ROBO1: variants seen among roughly 807,000 people sequenced by gnomAD.
The protein encoded by ROBO1 is roundabout homolog 1.
Under a neutral mutation model 195.9 loss-of-function variants are expected in ROBO1, and 149 were observed. The observed-to-expected ratio is 0.76, with a 90% CI of 0.67 to 0.87. The LOEUF (loss-of-function observed/expected upper bound fraction) is 0.87. Among genes scored for constraint, ROBO1 ranks in the 40% least tolerant of loss-of-function variants. ROBO1 has a pLI of 0.00. For synonymous variants in ROBO1, 816 were observed against 733.2 expected (o/e 1.11, Z -1.82); for missense variants, 1,933 against 2,068.3 (o/e 0.93, Z 1.27).
rs1026851938 is a variant in ROBO1 at position 78,632,811 on chromosome 3, A to G, written c.3481+1124T>C. 2.6e-5 allele frequency among the ~76,000 whole-genome samples: 4 copies of G among 152,214 alleles called. No individual in the cohort carries two copies. In the East Asian group the frequency reaches 7.7e-4, roughly 29 times the overall value. Reference sequence around the variant, plus strand: ...ACTAAAAATTCAAAGATCAAATGGCATAAGATAATCAAATATTAAAATATT... The same window carrying G: ...ACTAAAAATTCAAAGATCAAATGGCGTAAGATAATCAAATATTAAAATATT... On this transcript the variant is annotated intron_variant, in intron 24 of 30. Coordinates refer to ENST00000464233, the MANE Select transcript of ROBO1 (RefSeq NM_002941.4).
intron 1 of ROBO1, among the ~76,000 whole-genome samples, chr3:79,596,228 C>G (rs56993934): frequency 6.6e-6 from 1 of 151,966 alleles, no homozygotes; most frequent in Non-Finnish European, 1.5e-5. Context: ...TATTTTTGAA[C>G]AGCTAATCTA....
intron 8 of ROBO1, among the ~76,000 whole-genome samples, chr3:78,705,902 A>T (rs2081539057): frequency 6.6e-6 from 1 of 151,678 alleles, no homozygotes; most frequent in South Asian, 2.1e-4. Flanking sequence ...GGAATTCTTG[A>T]CCCCCCCATA....
chr3:78,602,797 A>T (rs138984075), intron 29 of ROBO1, among the ~76,000 whole-genome samples: 2 of 152,202 alleles, frequency 1.3e-5, no homozygotes, highest in East Asian at 3.9e-4. Context: ...CTCAAACTCA[A>T]CCTGTTGAAC....
intron 2 of ROBO1, among the ~76,000 whole-genome samples, chr3:79,557,760 A>ATTTTTTTTTT (rs1167224169): frequency 1.2e-3 from 177 of 145,044 alleles, no homozygotes; most frequent in South Asian, 4.7e-3. Context: ...ATATATATAT[A>ATTTTTTTTTT]TATATTTTAT....
chr3:79,330,999 C>G (rs1027853785), intron 2 of ROBO1, among the ~76,000 whole-genome samples: 1 of 152,170 alleles, frequency 6.6e-6, no homozygotes, highest in Non-Finnish European at 1.5e-5. Flanking sequence ...TGCACCACAA[C>G]AAGAACCGGA....
At chr3:79,123,481 T>A (rs539628891) in intron 3 of ROBO1, among the ~76,000 whole-genome samples, 2 of 152,188 alleles carry the variant, frequency 1.3e-5, no homozygotes, top group East Asian at 3.9e-4. Flanking sequence ...TTTATTGTTC[T>A]TATCACTTGC....
In ROBO1 at chr3:78,633,520, G is replaced by A. The variant is rs187447798; in HGVS notation, c.3481+415C>T. ...CTGAATCTCATGTTATTGTCTCTCC[G>A]GCTTTTGATTCTGCTCAAGTGTCCT... On this transcript the variant is annotated intron_variant, in intron 24 of 30. Coordinates refer to ENST00000464233, the MANE Select transcript of ROBO1 (RefSeq NM_002941.4). 8.2e-4 allele frequency among the ~76,000 whole-genome samples: 125 copies of A among 152,228 alleles called. 1 individual carries two copies. In the East Asian group the frequency reaches 0.012, roughly 15 times the overall value.
intron 2 of ROBO1, among the ~76,000 whole-genome samples, chr3:79,310,200 T>G (rs2033416421): frequency 6.6e-6 from 1 of 152,132 alleles, no homozygotes; most frequent in African/African-American, 2.4e-5. Context: ...CCATAACATG[T>G]CTGTCTTAAT....
intron 2 of ROBO1, among the ~76,000 whole-genome samples, chr3:79,328,548 A>G (rs2034308362): frequency 6.6e-6 from 1 of 152,180 alleles, no homozygotes. Flanking sequence ...GAAAACCATA[A>G]TACAATTTTA....
At chr3:78,788,859 A>G (rs1237419534) in intron 4 of ROBO1, among the ~76,000 whole-genome samples, 4 of 152,192 alleles carry the variant, frequency 2.6e-5, no homozygotes, top group African/African-American at 4.8e-5. Context: ...AATGTAGTGT[A>G]AATTCATAAT....
At chr3:79,286,747 A>G (rs1460568795) in intron 2 of ROBO1, among the ~76,000 whole-genome samples, 7 of 152,218 alleles carry the variant, frequency 4.6e-5, no homozygotes, top group African/African-American at 1.4e-4. Context: ...GAATATGTAT[A>G]TATAAAATAA....
intron 4 of ROBO1, among the ~76,000 whole-genome samples, chr3:78,819,680 CT>C (rs2030653556): frequency 6.6e-6 from 1 of 152,136 alleles, no homozygotes; most frequent in Non-Finnish European, 1.5e-5. Context: ...TATCAACTAT[CT>C]TCATTACTAC....
At chr3:78,780,485 G>A (rs181368287) in intron 4 of ROBO1, among the ~76,000 whole-genome samples, 12 of 151,648 alleles carry the variant, frequency 7.9e-5, no homozygotes, top group Admixed American at 7.9e-4. Context: ...ATACATGCAT[G>A]CCCTTATCTC....
chr3:79,683,715 T>C (rs968246882), intron 1 of ROBO1, among the ~76,000 whole-genome samples: 3 of 152,108 alleles, frequency 2.0e-5, no homozygotes, highest in African/African-American at 7.2e-5. Context: ...TGGCTTTATA[T>C]ATTGTCCTTC....
At chr3:79,245,504 G>A (rs927549656) in intron 2 of ROBO1, among the ~76,000 whole-genome samples, 3 of 151,944 alleles carry the variant, frequency 2.0e-5, no homozygotes, top group African/African-American at 7.2e-5. Context: ...CAACCAGCTG[G>A]CTAGCTTTGA....
chr3:79,147,301 C>G (rs1362288181), intron 2 of ROBO1, among the ~76,000 whole-genome samples: 1 of 151,954 alleles, frequency 6.6e-6, no homozygotes, highest in African/African-American at 2.4e-5. Context: ...AAGGTACTTT[C>G]TGTTTGACGA....
intron 18 of ROBO1, among the ~76,000 whole-genome samples, chr3:78,656,309 C>A (rs1434200137): frequency 6.7e-6 from 1 of 150,296 alleles, no homozygotes. Context: ...ACTTCTAATA[C>A]CTGGTTTAAG....
intron 4 of ROBO1, among the ~76,000 whole-genome samples, chr3:78,788,342 T>C (rs1374553236): frequency 1.4e-5 from 2 of 146,814 alleles, no homozygotes; most frequent in African/African-American, 5.0e-5. Context: ...ATGGTCTCGA[T>C]CTCCTGACCT....
chr3:78,645,395 T>A (rs1575832416), intron 21 of ROBO1, among the ~76,000 whole-genome samples: 1 of 151,496 alleles, frequency 6.6e-6, no homozygotes, highest in East Asian at 1.9e-4. Flanking sequence ...TATAAGATGG[T>A]TTTGGTTGGA....
Sources: allele counts gnomAD v4.1 joint callset (sites outside exome capture counted in the v4.1 genomes callset), GRCh38; gene constraint gnomAD v4.1.1; transcripts MANE v1.5; gene names NCBI Gene and HGNC (gene_info 2026-07-23, HGNC 2026-07-21).